The following C16orf78 variants were observed in gnomAD, a reference collection of about 807,000 sequenced individuals.
C16orf78 encodes uncharacterized protein C16orf78.
In C16orf78, 19 loss-of-function variants were observed where a neutral mutation model predicts 27.3. The observed-to-expected ratio is 0.70, with a 90% CI of 0.49 to 1.02. The LOEUF (loss-of-function observed/expected upper bound fraction) is 1.02, where lower values mean the gene tolerates loss of function less well. Ranked by LOEUF, C16orf78 falls within the 50% of genes least tolerant of loss-of-function variation. C16orf78 has a pLI of 0.00. For synonymous variants in C16orf78, 130 were observed against 116.1 expected, an observed-to-expected ratio of 1.12 and a Z score of -0.77; for missense variants, 339 against 337.0, an observed-to-expected ratio of 1.01 and a Z score of -0.05.
intron 3 of C16orf78, among the ~76,000 whole-genome samples, chr16:49,379,816 G>C (rs1251409206): frequency 6.6e-6 from 1 of 152,178 alleles, no homozygotes; most frequent in Non-Finnish European, 1.5e-5. Flanking sequence ...GGTTAATATT[G>C]AGTGTCAACT....
intron 1 of C16orf78, among the ~76,000 whole-genome samples, chr16:49,376,956 A>G (rs976243344): frequency 6.6e-6 from 1 of 151,872 alleles, no homozygotes; most frequent in Non-Finnish European, 1.5e-5. Flanking sequence ...GATCCAGTCT[A>G]TTTAGTTTCT....
chr16:49,388,653 A>G (rs1052097920), intron 3 of C16orf78, among the ~76,000 whole-genome samples: 1 of 152,164 alleles, frequency 6.6e-6, no homozygotes, highest in Non-Finnish European at 1.5e-5. Context: ...CTGGGATTAC[A>G]GGTGCACGCC....
intron 1 of C16orf78, 83 bp from the exon 2 acceptor site, chr16:49,377,648 C>T: frequency 1.3e-6 from 2 of 1,523,734 alleles, no homozygotes; most frequent in South Asian, 1.3e-5. Context: ...AGCCCCTCAC[C>T]TGGGAGCCTT....
chr16:49,382,110 T>C (rs1174900076), intron 3 of C16orf78, among the ~76,000 whole-genome samples: 1 of 152,212 alleles, frequency 6.6e-6, no homozygotes, highest in Admixed American at 6.5e-5. Flanking sequence ...TCATGTCCTT[T>C]CTAGGGACAT....
At chr16:49,374,202 C>A in intron 1 of C16orf78, 113 bp downstream of exon 1, 3 of 1,308,436 alleles carry the variant, frequency 2.3e-6, no homozygotes, top group Non-Finnish European at 3.1e-6. Flanking sequence ...TTTTGAAGTG[C>A]TGGGATAAGC....
At chr16:49,387,612 T>A (rs1035599256) in intron 3 of C16orf78, among the ~76,000 whole-genome samples, 5 of 152,196 alleles carry the variant, frequency 3.3e-5, no homozygotes, top group Middle Eastern at 3.2e-3. Context: ...ATAGTTTTAG[T>A]AGGAATGGTA....
At chr16:49,399,003 G>T in intron 4 of C16orf78, 128 bp from the exon 5 acceptor site, 1 of 988,710 alleles carries the variant, frequency 1.0e-6, no homozygotes, top group Non-Finnish European at 1.5e-6. Context: ...CTCCATGGAT[G>T]ACTGGGAGAG....
intron 3 of C16orf78, among the ~76,000 whole-genome samples, chr16:49,382,939 A>G (rs1377067304): frequency 2.0e-5 from 3 of 152,214 alleles, no homozygotes; most frequent in Non-Finnish European, 4.4e-5. Context: ...TTCACTCCCT[A>G]AAAGAAACCC....
rs1258115635 is a variant in C16orf78 at position 49,374,086 on chromosome 16, C to T, written c.147C>T (p.Pro49=). 5.6e-6 allele frequency: 9 copies of T among 1,613,930 alleles called. 1 individual carries two copies. The highest frequency in any genetic ancestry group is 5.0e-5 in the Admixed American group (3 of 60,002). ...ERRQGKKKQA[P]EKQKPKVVTV... ...GGCAGGGGAAGAAGAAACAAGCTCC[C>T]GAGGTGGGTACCATCCAAGAGAAAT... Residue 49 remains proline, a synonymous_variant, in exon 1 of 5, where the codon CCC becomes CCT. Transcript: ENST00000299191.
intron 2 of C16orf78, 49 bp from the exon 3 acceptor site, chr16:49,378,421 G>A (rs941609165): frequency 1.2e-5 from 18 of 1,538,064 alleles, no homozygotes; most frequent in Admixed American, 6.4e-5. Flanking sequence ...CGGGGAGGGC[G>A]AGCCAGGTCC....
At chr16:49,379,126 A>G (rs974295739) in intron 3 of C16orf78, among the ~76,000 whole-genome samples, 1 of 152,054 alleles carries the variant, frequency 6.6e-6, no homozygotes, top group Non-Finnish European at 1.5e-5. Flanking sequence ...AACTTATTCC[A>G]TCTCTGGAGT....
Position 49,396,643 on chromosome 16 carries a change from G to A in C16orf78, c.615G>A (p.Met205Ile). Residue 205 changes from methionine to isoleucine, a missense_variant, in exon 4 of 5, where the codon ATG becomes ATA. Physicochemically the swap from Met to Ile is conservative, Grantham distance 10 (BLOSUM62 1). Coordinates refer to ENST00000299191, the MANE Select transcript of C16orf78 (RefSeq NM_144602.4). Reference sequence around the variant, plus strand: ...GCACCGAACCTAAGATGGAAACCATGAGGATGTTGAAGCCAGAGGAGGTGC... The same window carrying A: ...GCACCGAACCTAAGATGGAAACCATAAGGATGTTGAAGCCAGAGGAGGTGC... ...EKSTEPKMET[M>I]RMLKPEEVLS... is the part of the protein sequence containing the mutation. 6.2e-7 allele frequency: 1 copy of A among 1,611,866 alleles called. No individual in the cohort carries two copies. Among genetic ancestry groups the A allele is most frequent in the Non-Finnish European group, 8.5e-7 (1 of 1,180,012 alleles).
At chr16:49,378,796 A>G (rs1324930886) in intron 3 of C16orf78, among the ~76,000 whole-genome samples, 1 of 152,148 alleles carries the variant, frequency 6.6e-6, no homozygotes, top group East Asian at 1.9e-4. Context: ...TGTGACATGA[A>G]CAGGAGGCAA....
rs972610842 is a variant in C16orf78, at chr16:49,389,324, G to T, written c.395-7099G>T. 7.2e-5 allele frequency among the ~76,000 whole-genome samples: 11 copies of T among 152,136 alleles called. 1 individual carries two copies. Among genetic ancestry groups the T allele is most frequent in the Admixed American group, 6.5e-4 (10 of 15,280 alleles). On this transcript the variant is annotated intron_variant, in intron 3 of 4. Coordinates refer to ENST00000299191, the MANE Select transcript of C16orf78 (RefSeq NM_144602.4). ...TGTAGTCCCAGCTACAGGAGGCTAG[G>T]CTGAGGCAGGAGAATCACTTGAACC... is the stretch of plus-strand genomic sequence containing the variant.
intron 3 of C16orf78, among the ~76,000 whole-genome samples, chr16:49,379,644 C>A (rs941498504): frequency 6.6e-6 from 1 of 151,802 alleles, no homozygotes; most frequent in Non-Finnish European, 1.5e-5. Flanking sequence ...GCATTACTGG[C>A]GAAATCTGAA....
chr16:49,392,213 G>A (rs1965420821), intron 3 of C16orf78, among the ~76,000 whole-genome samples: 1 of 152,166 alleles, frequency 6.6e-6, no homozygotes, highest in Non-Finnish European at 1.5e-5. Flanking sequence ...CCTGGAAGTG[G>A]AATAGCACAT....
chr16:49,384,031 C>A (rs926445486), intron 3 of C16orf78, among the ~76,000 whole-genome samples: 5 of 152,050 alleles, frequency 3.3e-5, no homozygotes, highest in Middle Eastern at 3.2e-3. Context: ...ATGAATTCAG[C>A]AATGGAATAT....
At chr16:49,384,061 A>G (rs77777845) in intron 3 of C16orf78, among the ~76,000 whole-genome samples, 81 of 152,104 alleles carry the variant, frequency 5.3e-4, no homozygotes, top group Admixed American at 9.2e-4. Flanking sequence ...TTTAAAAGCC[A>G]AAAAAGGCCA....
rs746940275 is a variant in C16orf78 at position 49,399,291 on chromosome 16, G to A, written c.*13G>A. 6.7e-5 allele frequency: 108 copies of A among 1,613,020 alleles called. No individual in the cohort carries two copies. Among genetic ancestry groups the A allele is most frequent in the Non-Finnish European group, 8.5e-5 (100 of 1,179,588 alleles). On this transcript the variant is annotated 3_prime_UTR_variant, in exon 5 of 5. Coordinates refer to ENST00000299191, the MANE Select transcript of C16orf78 (RefSeq NM_144602.4). ...CATGGCCCTCTAAATAGCTCCTCTC[G>A]CCACCACCTTCAGGCTCCTTCTGTC...
Sources: allele counts gnomAD v4.1 joint callset (sites outside exome capture counted in the v4.1 genomes callset), GRCh38; gene constraint gnomAD v4.1.1; transcripts MANE v1.5; gene names NCBI Gene and HGNC (gene_info 2026-07-23, HGNC 2026-07-21).